The following DOCK2 variants were observed in gnomAD, a reference collection of about 807,000 sequenced individuals.
DOCK2 encodes the protein dedicator of cytokinesis 2, also known as dedicator of cytokinesis protein 2.
DOCK2 carries 87 observed loss-of-function variants against 248.9 expected under a neutral mutation model. The observed-to-expected ratio is 0.35, with a 90% CI of 0.29 to 0.42. The LOEUF (loss-of-function observed/expected upper bound fraction) is 0.42. Among genes scored for constraint, DOCK2 ranks in the 10% least tolerant of loss-of-function variants. DOCK2 has a pLI of 1.00. For missense variants in DOCK2, 1,747 were observed against 2,300.2 expected (o/e 0.76, Z 4.92); for synonymous variants, 805 against 821.6 (o/e 0.98, Z 0.35).
intron 32 of DOCK2, among the ~76,000 whole-genome samples, chr5:170,011,362 A>C (rs1285244272): frequency 1.3e-5 from 2 of 152,216 alleles, no homozygotes; most frequent in East Asian, 3.9e-4. Context: ...AGAGGCAGAA[A>C]CTGGTCAAGC....
At chr5:169,971,401 T>C (rs766334165) in intron 27 of DOCK2, among the ~76,000 whole-genome samples, 8 of 149,000 alleles carry the variant, frequency 5.4e-5, no homozygotes, top group Non-Finnish European at 1.0e-4. Context: ...GGACTTCCAC[T>C]TCCTTCTGCC....
intron 27 of DOCK2, among the ~76,000 whole-genome samples, chr5:169,964,599 C>A (rs1367947953): frequency 6.6e-5 from 10 of 152,182 alleles, no homozygotes; most frequent in African/African-American, 2.4e-4. Flanking sequence ...AAAGGGCCAC[C>A]CTTGAAGGGG....
At chr5:169,758,882 A>T (rs1422250221) in intron 23 of DOCK2, among the ~76,000 whole-genome samples, 3 of 152,238 alleles carry the variant, frequency 2.0e-5, no homozygotes, top group Non-Finnish European at 4.4e-5. Flanking sequence ...CTTGAGTCTG[A>T]TTGTTAAAGG....
At chr5:169,778,645 G>A (rs150568118) in intron 25 of DOCK2, among the ~76,000 whole-genome samples, 40 of 152,318 alleles carry the variant, frequency 2.6e-4, no homozygotes, top group African/African-American at 8.9e-4. Flanking sequence ...GCTACACGAA[G>A]GATTGTATAT....
intron 46 of DOCK2, among the ~76,000 whole-genome samples, chr5:170,072,553 A>G (rs1757715668): frequency 6.6e-6 from 1 of 152,226 alleles, no homozygotes; most frequent in African/African-American, 2.4e-5. Flanking sequence ...TACATGCAGT[A>G]GTGGAATTGC....
chr5:169,674,268 G>C (rs200514075), intron 5 of DOCK2, 29 bp from the exon 6 acceptor site: 55 of 1,612,528 alleles, frequency 3.4e-5, no homozygotes, highest in Non-Finnish European at 4.7e-5. Flanking sequence ...TTTAACACAG[G>C]TAATTATGGG....
intron 30 of DOCK2, 130 bp downstream of exon 30, chr5:169,996,294 G>T (rs879015727): frequency 3.3e-5 from 30 of 908,258 alleles, no homozygotes; most frequent in East Asian, 1.1e-4. Context: ...ATTCCCACGG[G>T]GGGTTATGGC....
At chr5:169,712,260 G>A in intron 17 of DOCK2, 37 bp downstream of exon 17, 1 of 1,599,426 alleles carries the variant, frequency 6.3e-7, no homozygotes, top group South Asian at 1.1e-5. Context: ...ACTGAGGGGA[G>A]TGCAGGAAGA....
At chr5:170,079,881 AAT>A in intron 49 of DOCK2, 1 of 351,892 alleles carries the variant, frequency 2.8e-6, no homozygotes, top group Non-Finnish European at 5.1e-6. Flanking sequence ...GATGGATAAG[AAT>A]GGAAATGTCT....
At chr5:169,747,218 A>G (rs1162755029) in intron 22 of DOCK2, among the ~76,000 whole-genome samples, 178 bp from the exon 23 acceptor site, 2 of 152,180 alleles carry the variant, frequency 1.3e-5, no homozygotes, top group Non-Finnish European at 2.9e-5. Context: ...TATGGTGGAT[A>G]TGAGGCTTTT....
chr5:169,785,414 A>C (rs62384791), intron 25 of DOCK2, among the ~76,000 whole-genome samples: 6 of 152,208 alleles, frequency 3.9e-5, no homozygotes, highest in Non-Finnish European at 5.9e-5. Flanking sequence ...GCAATTTATC[A>C]AATATTTTCC....
intron 25 of DOCK2, among the ~76,000 whole-genome samples, chr5:169,765,793 G>GT (rs77873854): frequency 0.15 from 23,214 of 152,038 alleles, 2,296 homozygotes; most frequent in Admixed American, 0.31. Context: ...CAGCTGGTGG[G>GT]TTTTTTTCAC....
At chr5:169,730,567 T>C (rs950986975) in intron 22 of DOCK2, among the ~76,000 whole-genome samples, 12 of 152,130 alleles carry the variant, frequency 7.9e-5, no homozygotes, top group African/African-American at 2.7e-4. Context: ...ACAAGAAGGG[T>C]TTGTGTCATG....
chr5:169,776,434 G>A (rs899830173), intron 25 of DOCK2, among the ~76,000 whole-genome samples: 1 of 151,908 alleles, frequency 6.6e-6, no homozygotes, highest in Non-Finnish European at 1.5e-5. Flanking sequence ...CAAAGTGCTG[G>A]GATAACAAGT....
intron 46 of DOCK2, among the ~76,000 whole-genome samples, chr5:170,071,650 C>T (rs1487664813): frequency 2.0e-5 from 3 of 152,258 alleles, no homozygotes; most frequent in Middle Eastern, 3.4e-3. Flanking sequence ...CAAAAACATA[C>T]ATCCGTTTGA....
intron 30 of DOCK2, among the ~76,000 whole-genome samples, chr5:170,003,543 C>T (rs1019597255): frequency 1.3e-5 from 2 of 152,214 alleles, no homozygotes; most frequent in South Asian, 2.1e-4. Flanking sequence ...ATGAAGGAAG[C>T]GGGTCTTGAA....
chr5:169,809,250 C>G (rs962514064), intron 26 of DOCK2, among the ~76,000 whole-genome samples: 4 of 152,184 alleles, frequency 2.6e-5, no homozygotes, highest in African/African-American at 7.2e-5. Flanking sequence ...CTCCACCTCC[C>G]AAAGTGCTGG....
In DOCK2 at chr5:169,987,036, C is replaced by T. The variant is rs545598680; in HGVS notation, c.2993+1114C>T. 8.5e-5 allele frequency among the ~76,000 whole-genome samples: 13 copies of T among 152,242 alleles called. No individual in the cohort carries two copies. The East Asian group carries it at 2.5e-3, about 29-fold the overall frequency. ...ATTGGCACAGATAACTGAAAGAGCC[C>T]TGAGGTGTGGCTTCAGGCATGGATG... On this transcript the variant is annotated intron_variant, in intron 29 of 51. Transcript: ENST00000520908.
At position 169,788,055 on chromosome 5, in the gene DOCK2, T is replaced by A. The variant is rs374922291; in HGVS notation, c.2555-15003T>A. 1.9e-3 allele frequency among the ~76,000 whole-genome samples: 282 copies of A among 152,342 alleles called. 2 individuals are homozygous for A. Among genetic ancestry groups the A allele is most frequent in the African/African-American group, 6.4e-3 (268 of 41,572 alleles). Reference sequence around the variant, plus strand: ...TTTAGCCAATCATTCCTTTGACATCTCGTTTTGAGTGTCTTATAGATACTC... The same window carrying A: ...TTTAGCCAATCATTCCTTTGACATCACGTTTTGAGTGTCTTATAGATACTC... On this transcript the variant is annotated intron_variant, in intron 25 of 51. Transcript: ENST00000520908.
Sources: allele counts gnomAD v4.1 joint callset (sites outside exome capture counted in the v4.1 genomes callset), GRCh38; gene constraint gnomAD v4.1.1; transcripts MANE v1.5; gene names NCBI Gene and HGNC (gene_info 2026-07-23, HGNC 2026-07-21).